Variants in ST3GAL3 observed in about 807,000 individuals in gnomAD.
ST3GAL3 encodes the protein CMP-N-acetylneuraminate-beta-1,4-galactoside alpha-2,3-sialyltransferase.
Under a neutral mutation model 50.1 loss-of-function variants are expected in ST3GAL3, and 21 were observed. The ratio of observed to expected loss-of-function variants is 0.42; its 90% CI spans 0.30 to 0.60. The LOEUF is 0.60. Ranked by LOEUF, ST3GAL3 falls within the 20% of genes least tolerant of loss-of-function variation. ST3GAL3 has a pLI of 0.19. For missense variants in ST3GAL3, 353 were observed against 489.4 expected (o/e 0.72, Z 2.63); for synonymous variants, 183 against 190.0 (o/e 0.96, Z 0.30).
chr1:43,745,592 A>G (rs933792229), intron 2 of ST3GAL3, among the ~76,000 whole-genome samples: 2 of 152,200 alleles, frequency 1.3e-5, no homozygotes, highest in Middle Eastern at 3.2e-3. Context: ...TAAGATTATA[A>G]TATCATATTT....
intron 2 of ST3GAL3, among the ~76,000 whole-genome samples, chr1:43,752,528 T>TCTC (rs1686554191): frequency 6.6e-6 from 1 of 152,104 alleles, no homozygotes; most frequent in South Asian, 2.1e-4. Context: ...TCAGACAGGG[T>TCTC]CTCGCTCTGT....
chr1:43,868,115 C>T (rs1383921670), intron 5 of ST3GAL3, among the ~76,000 whole-genome samples: 3 of 152,150 alleles, frequency 2.0e-5, no homozygotes, highest in Non-Finnish European at 4.4e-5. Flanking sequence ...TGGAAACACC[C>T]TAAGTGCCTC....
At chr1:43,710,162 A>G (rs998692688) in intron 1 of ST3GAL3, among the ~76,000 whole-genome samples, 1 of 151,380 alleles carries the variant, frequency 6.6e-6, no homozygotes, top group Non-Finnish European at 1.5e-5. Context: ...GCCCACTGCA[A>G]CCTCCACCAC....
chr1:43,718,200 T>TTTC (rs1668415340), intron 1 of ST3GAL3, among the ~76,000 whole-genome samples: 2 of 143,868 alleles, frequency 1.4e-5, no homozygotes, highest in Non-Finnish European at 3.1e-5. Context: ...TTTTTTTTTT[T>TTTC]TTTTTTTGAG....
At chr1:43,917,459 T>TATATATAATATATA (rs1234775319) in intron 9 of ST3GAL3, among the ~76,000 whole-genome samples, 14 of 21,530 alleles carry the variant, frequency 6.5e-4, no homozygotes, top group South Asian at 3.1e-3. Flanking sequence ...TAATATATAA[T>TATATATAATATATA]ATATATAATA....
intron 6 of ST3GAL3, among the ~76,000 whole-genome samples, chr1:43,897,275 T>C (rs2154269210): frequency 6.6e-6 from 1 of 152,372 alleles, no homozygotes; most frequent in East Asian, 1.9e-4. Context: ...GTTATTAAGA[T>C]GCTCTCCATT....
intron 2 of ST3GAL3, among the ~76,000 whole-genome samples, chr1:43,758,459 C>A (rs1048435881): frequency 2.0e-5 from 3 of 151,916 alleles, no homozygotes; most frequent in African/African-American, 7.3e-5. Flanking sequence ...TGCTATATTG[C>A]CCAGGCTGGT....
chr1:43,718,441 G>A (rs973722730), intron 1 of ST3GAL3, among the ~76,000 whole-genome samples: 8 of 151,216 alleles, frequency 5.3e-5, no homozygotes, highest in African/African-American at 1.5e-4. Context: ...CGCCCGCCTC[G>A]GCCTCTCAAA....
chr1:43,928,154 T>A (rs565096367), intron 11 of ST3GAL3, among the ~76,000 whole-genome samples: 1 of 152,296 alleles, frequency 6.6e-6, no homozygotes, highest in African/African-American at 2.4e-5. Flanking sequence ...AAAAATTCAT[T>A]TATTTATTAT....
intron 2 of ST3GAL3, among the ~76,000 whole-genome samples, chr1:43,756,848 C>T (rs752818046): frequency 2.0e-5 from 3 of 152,122 alleles, no homozygotes; most frequent in African/African-American, 4.8e-5. Flanking sequence ...ATATTGAAAT[C>T]GACATACCAT....
In ST3GAL3 at chr1:43,913,230, ACTCTC is replaced by A. The variant is rs879304892; in HGVS notation, c.745-7171_745-7167del. On this transcript the variant is annotated intron_variant, in intron 9 of 11. Coordinates refer to ENST00000347631, the MANE Select transcript of ST3GAL3 (RefSeq NM_006279.5). ...TGTTGCTGACCACACCCTCCGCTTC[ACTCTC>A]CTGGCCTCTGTGACACTCACTATAA... is the stretch of plus-strand genomic sequence containing the variant. 6.6e-5 allele frequency: 10 copies of A among 152,178 alleles called. No individual in the cohort carries two copies. In the East Asian group the frequency reaches 1.9e-3, roughly 29 times the overall value. 9.4% of individuals were successfully genotyped at this position (152,178 alleles called of 1,614,324 possible). A position where few individuals can be genotyped will look rare whatever the true frequency, so the allele number is the denominator to read the frequency against.
chr1:43,850,503 T>C, intron 5 of ST3GAL3: 1 of 637,974 alleles, frequency 1.6e-6, no homozygotes, highest in South Asian at 1.4e-5. Flanking sequence ...GAAGCCTTTT[T>C]CCAAAAGTCC....
chr1:43,838,412 G>A, intron 5 of ST3GAL3, 101 bp downstream of exon 5: 1 of 1,078,422 alleles, frequency 9.3e-7, no homozygotes, highest in East Asian at 2.4e-5. Flanking sequence ...CCTATGCTCT[G>A]GAAACCATGG....
At chr1:43,814,685 A>C (rs1162810013) in intron 3 of ST3GAL3, among the ~76,000 whole-genome samples, 2 of 152,214 alleles carry the variant, frequency 1.3e-5, no homozygotes, top group Non-Finnish European at 1.5e-5. Context: ...ATGCATAGGA[A>C]ATACCTGGCA....
At chr1:43,812,276 G>C (rs37470) in intron 3 of ST3GAL3, among the ~76,000 whole-genome samples, 38,026 of 152,112 alleles carry the variant, frequency 0.25, 5,860 homozygotes, top group Middle Eastern at 0.35. Flanking sequence ...GTAATGCGGG[G>C]CCTGCGTTGC....
chr1:43,907,590 G>A (rs141655316), intron 9 of ST3GAL3, among the ~76,000 whole-genome samples: 44 of 152,182 alleles, frequency 2.9e-4, no homozygotes, highest in African/African-American at 9.4e-4. Context: ...AAGAACTCTC[G>A]GCTTCCTGCT....
At chr1:43,778,244 A>G (rs754709886) in intron 2 of ST3GAL3, among the ~76,000 whole-genome samples, 1 of 152,186 alleles carries the variant, frequency 6.6e-6, no homozygotes, top group Non-Finnish European at 1.5e-5. Flanking sequence ...ACATGGACAC[A>G]TGGTGAGAAC....
At chr1:43,823,455 A>G (rs2062371927) in intron 4 of ST3GAL3, among the ~76,000 whole-genome samples, 1 of 152,186 alleles carries the variant, frequency 6.6e-6, no homozygotes, top group Non-Finnish European at 1.5e-5. Flanking sequence ...TCTTCCCCAG[A>G]TACCTGAAGA....
intron 1 of ST3GAL3, among the ~76,000 whole-genome samples, chr1:43,716,901 T>C (rs1376329755): frequency 1.3e-5 from 2 of 152,248 alleles, no homozygotes; most frequent in East Asian, 1.9e-4. Context: ...TGGGCTGTTA[T>C]AATGGCTTCT....
Sources: allele counts gnomAD v4.1 joint callset (sites outside exome capture counted in the v4.1 genomes callset), GRCh38; gene constraint gnomAD v4.1.1; transcripts MANE v1.5; gene names NCBI Gene and HGNC (gene_info 2026-07-23, HGNC 2026-07-21).